The following ACYP2 variants were observed in gnomAD, a reference collection of about 807,000 sequenced individuals.
The protein encoded by ACYP2 is acylphosphatase 2.
A neutral mutation model predicts 11.2 loss-of-function variants in ACYP2; 12 were observed. The ratio of observed to expected loss-of-function variants is 1.08; its 90% confidence interval spans 0.69 to 1.74. ACYP2 has a LOEUF of 1.74. ACYP2 is among the 40% of genes most tolerant of loss of function. The pLI, the probability that ACYP2 is intolerant of heterozygous loss-of-function variation, is 0.00. For missense variants in ACYP2, 134 were observed against 101.9 expected (o/e 1.31, Z -1.35); for synonymous variants, 43 against 32.2 (o/e 1.33, Z -1.13).
rs1309233458 is a variant in ACYP2, at chr2:54,141,772, A to G, written c.404+3024A>G. On this transcript the variant is annotated intron_variant, in intron 6 of 6. Coordinates refer to ENST00000607452, the MANE Select transcript of ACYP2 (RefSeq NM_001320586.2). ...CTTTTACCTATTTAACTGGAATTCT[A>G]TTCTGTTTATTAAAAAGAAAACTTA... 8.7e-6 allele frequency: 4 copies of G among 461,430 alleles called. No homozygotes were observed. In the East Asian group the frequency reaches 9.2e-5, roughly 11 times the overall value. 28.6% of individuals were successfully genotyped at this position (461,430 alleles called of 1,614,324 possible).
At chr2:53,971,542 G>A (rs1246856353) in intron 1 of ACYP2, among the ~76,000 whole-genome samples, 1 of 152,070 alleles carries the variant, frequency 6.6e-6, no homozygotes, top group Non-Finnish European at 1.5e-5. Context: ...AATGCTATTT[G>A]AACAGCTGTT....
chr2:54,243,236 G>T (rs1408532563), intron 6 of ACYP2, among the ~76,000 whole-genome samples: 3 of 152,064 alleles, frequency 2.0e-5, no homozygotes, highest in Admixed American at 2.0e-4. Flanking sequence ...TTTCTTTGTT[G>T]TGCAAATATT....
chr2:54,053,734 C>G (rs1200185839), intron 3 of ACYP2, among the ~76,000 whole-genome samples: 1 of 152,196 alleles, frequency 6.6e-6, no homozygotes, highest in East Asian at 1.9e-4. Context: ...TTTTTTGGAA[C>G]TTTCCCTCAG....
chr2:54,256,129 T>G (rs1432655846), intron 6 of ACYP2: 5 of 1,613,672 alleles, frequency 3.1e-6, no homozygotes, highest in Non-Finnish European at 4.2e-6. Flanking sequence ...AGCGGGGCTG[T>G]GAGGACTCTC....
At chr2:54,207,173 A>ATGTGTGTGTATGTGTGTGTGTG (rs1685108550) in intron 6 of ACYP2, among the ~76,000 whole-genome samples, 1 of 138,650 alleles carries the variant, frequency 7.2e-6, no homozygotes, top group Non-Finnish European at 1.5e-5. Context: ...CAACATGTAT[A>ATGTGTGTGTATGTGTGTGTGTG]TGTGTGTGTG....
chr2:54,260,490 C>T (rs1687729890), intron 6 of ACYP2, among the ~76,000 whole-genome samples: 1 of 152,010 alleles, frequency 6.6e-6, no homozygotes, highest in Non-Finnish European at 1.5e-5. Flanking sequence ...TGGATTTAGA[C>T]CTGAAACAAG....
chr2:54,295,171 T>C (rs1689476283), intron 6 of ACYP2, among the ~76,000 whole-genome samples: 1 of 152,146 alleles, frequency 6.6e-6, no homozygotes, highest in Non-Finnish European at 1.5e-5. Context: ...TATATTTATG[T>C]AATGAATAAA....
At position 54,219,903 on chromosome 2, in the gene ACYP2, A is replaced by ATTTTT. The variant is rs1240349827; in HGVS notation, c.404+81156_404+81157insTTTTT. Among the ~76,000 whole-genome samples the ATTTTT allele has an allele frequency of 5.8e-3, 584 of 100,394 alleles. 3 individuals are homozygous for ATTTTT. Among genetic ancestry groups the ATTTTT allele is most frequent in the Non-Finnish European group, 9.5e-3 (481 of 50,634 alleles). 65.9% of individuals were successfully genotyped at this position (100,394 alleles called of 152,430 possible). ...TGTGTATATATATATATATATATAT[A>ATTTTT]TATTTTTTTTTTTTTTTTAGTAGAG... is the stretch of plus-strand genomic sequence containing the variant. On this transcript the variant is annotated intron_variant, in intron 6 of 6. Transcript: ENST00000607452.
At chr2:54,299,142 C>T (rs1689627718) in intron 6 of ACYP2, among the ~76,000 whole-genome samples, 1 of 152,262 alleles carries the variant, frequency 6.6e-6, no homozygotes, top group South Asian at 2.1e-4. Context: ...ATGTTGAGGC[C>T]TTAACCTTCT....
chr2:54,047,146 AC>A (rs1247466383), intron 2 of ACYP2, among the ~76,000 whole-genome samples: 1 of 152,198 alleles, frequency 6.6e-6, no homozygotes, highest in East Asian at 1.9e-4. Flanking sequence ...CATTTTTGGG[AC>A]AGATTTCTGC....
intron 4 of ACYP2, among the ~76,000 whole-genome samples, chr2:54,110,724 T>TC (rs915628803): frequency 6.6e-6 from 1 of 151,864 alleles, no homozygotes; most frequent in African/African-American, 2.4e-5. Context: ...GTGGCTTTTT[T>TC]CCCTCCCACC....
At chr2:54,144,537 G>A (rs1302867484) in intron 6 of ACYP2, among the ~76,000 whole-genome samples, 2 of 151,952 alleles carry the variant, frequency 1.3e-5, no homozygotes, top group Admixed American at 6.6e-5. Context: ...AGCCAGGCGT[G>A]GTGGTACACA....
rs553444841 is a variant in ACYP2 at position 54,156,259 on chromosome 2, T to C, written c.404+17511T>C. Among the ~76,000 whole-genome samples, 11 of 152,290 alleles carry C rather than the reference T, an allele frequency of 7.2e-5. No homozygotes were observed. In the South Asian group the frequency reaches 8.3e-4, roughly 11 times the overall value. ...ACAATATAAAAACTTTAGCATGAAA[T>C]ATATATATATTTTATTTAAGTTCCA... On this transcript the variant is annotated intron_variant, in intron 6 of 6. Coordinates refer to ENST00000607452, the MANE Select transcript of ACYP2 (RefSeq NM_001320586.2).
chr2:54,191,356 T>G (rs995514976), intron 6 of ACYP2, among the ~76,000 whole-genome samples: 4 of 152,212 alleles, frequency 2.6e-5, no homozygotes, highest in Non-Finnish European at 4.4e-5. Context: ...TCCTTGCTAT[T>G]TCTTGATCTT....
intron 6 of ACYP2, among the ~76,000 whole-genome samples, chr2:54,196,315 C>G (rs933286051): frequency 2.6e-5 from 4 of 152,220 alleles, no homozygotes; most frequent in African/African-American, 9.6e-5. Flanking sequence ...CAGGCTCAAG[C>G]CATCCTCCCA....
In ACYP2 at chr2:54,115,900, G is replaced by GC. The variant is rs1404081242; in HGVS notation, c.278-19553_278-19552insC. 2.8e-4 allele frequency: 311 copies of GC among 1,128,234 alleles called. 1 individual carries two copies. The highest frequency in any genetic ancestry group is 9.8e-4 in the African/African-American group (55 of 56,324). 69.9% of individuals were successfully genotyped at this position (1,128,234 alleles called of 1,614,324 possible). A position where few individuals can be genotyped will look rare whatever the true frequency, so the allele number is the denominator to read the frequency against. On this transcript the variant is annotated intron_variant, in intron 4 of 6. Transcript: ENST00000607452. ...CGCCATGACACAGCAGCGGCGGCGGGGAGGGAGGCGAAACGCGCATGCGCC... is the reference window on the plus strand; with the variant it reads ...CGCCATGACACAGCAGCGGCGGCGGGCGAGGGAGGCGAAACGCGCATGCGCC...
intron 4 of ACYP2, among the ~76,000 whole-genome samples, chr2:54,089,395 GAT>G (rs58165820): frequency 1.1e-4 from 16 of 148,240 alleles, no homozygotes; most frequent in Admixed American, 2.7e-4. Context: ...CAGAAGTTCA[GAT>G]ATATATATAT....
intron 6 of ACYP2, among the ~76,000 whole-genome samples, chr2:54,140,994 T>C (rs1681570423): frequency 6.6e-6 from 1 of 152,232 alleles, no homozygotes; most frequent in African/African-American, 2.4e-5. Context: ...AATTTTTCTT[T>C]TACCTGATTG....
chr2:54,209,665 G>GT (rs1685242853), intron 6 of ACYP2, among the ~76,000 whole-genome samples: 4 of 152,188 alleles, frequency 2.6e-5, no homozygotes, highest in African/African-American at 9.6e-5. Context: ...AGTTCAGTTT[G>GT]AGACAAAAAA....
Sources: allele counts gnomAD v4.1 joint callset (sites outside exome capture counted in the v4.1 genomes callset), GRCh38; gene constraint gnomAD v4.1.1; transcripts MANE v1.5; gene names NCBI Gene and HGNC (gene_info 2026-07-23, HGNC 2026-07-21).